Variants in ZNF608 observed in about 807,000 individuals in gnomAD.
The protein encoded by ZNF608 is zinc finger protein 608.
Under a neutral mutation model 109.0 loss-of-function variants are expected in ZNF608, and 12 were observed. The observed-to-expected ratio is 0.11, with a 90% CI of 0.07 to 0.18. ZNF608 has a LOEUF of 0.18. Among genes scored for constraint, ZNF608 ranks in the 10% least tolerant of loss-of-function variants. The pLI, the probability that ZNF608 is intolerant of heterozygous loss-of-function variation, is 1.00. For missense variants in ZNF608, 1,707 were observed against 1,879.3 expected, an observed-to-expected ratio of 0.91 and a Z score of 1.70; for synonymous variants, 732 against 717.4, an observed-to-expected ratio of 1.02 and a Z score of -0.33.
Position 124,649,018 on chromosome 5 carries a change from C to T in ZNF608, c.1366G>A (p.Gly456Arg). Reference sequence around the variant, plus strand: ...CCCCCTCTGTTCTTATTCTGCAGCCCTCTGGACTCTGTGAAGCTGGCCTCG... The same window carrying T: ...CCCCCTCTGTTCTTATTCTGCAGCCTTCTGGACTCTGTGAAGCTGGCCTCG... ...GSEASFTESR[G>R]LQNKNRGGAN... Residue 456 changes from glycine (G) to arginine (R), a missense_variant, in exon 5 of 10, where the codon GGG (glycine) becomes AGG (arginine). Physicochemically the swap from Gly to Arg is moderately radical, Grantham distance 125. Coordinates refer to ENST00000513986, the MANE Select transcript of ZNF608 (RefSeq NM_020747.3). 1.2e-6 allele frequency: 2 copies of T among 1,614,196 alleles called. No individual in the cohort carries two copies. The highest frequency in any genetic ancestry group is 1.7e-6 in the Non-Finnish European group (2 of 1,180,030).
Position 124,648,341 on chromosome 5 carries a change from A to AGCCGTCATGTTG in ZNF608, c.2031_2042dup (p.Asn678_Ala681dup). 3 of 1,614,204 alleles carry AGCCGTCATGTTG rather than the reference A, an allele frequency of 1.9e-6. No homozygotes were observed. Among genetic ancestry groups the AGCCGTCATGTTG allele is most frequent in the Non-Finnish European group, 2.5e-6 (3 of 1,180,046 alleles). On this transcript the variant is annotated inframe_insertion, in exon 5 of 10. Coordinates refer to ENST00000513986, the MANE Select transcript of ZNF608 (RefSeq NM_020747.3). ...CTGCTGCCGAGCAACTGTCTAACGC[A>AGCCGTCATGTTG]GCCGTCATGTTGGAGATTACTGGAA...
At chr5:124,745,213 G>T in intron 1 of ZNF608, 41 bp from the exon 2 acceptor site, 3 of 1,385,528 alleles carry the variant, frequency 2.2e-6, no homozygotes, top group Non-Finnish European at 1.9e-6. Flanking sequence ...TCTTGTCTGG[G>T]TGTTACCAGA....
intron 2 of ZNF608, chr5:124,710,128 T>C (rs1411799309): frequency 2.1e-5 from 9 of 434,262 alleles, no homozygotes; most frequent in Non-Finnish European, 4.1e-5. Context: ...GACCCTTATT[T>C]CTCCTTGAAA....
chr5:124,711,846 G>A (rs1192247385), intron 2 of ZNF608, among the ~76,000 whole-genome samples: 2 of 152,148 alleles, frequency 1.3e-5, no homozygotes, highest in Admixed American at 6.5e-5. Context: ...GAATCTGGGG[G>A]GTTATTATGA....
intron 3 of ZNF608, among the ~76,000 whole-genome samples, chr5:124,649,938 T>C (rs1750707558): frequency 6.6e-6 from 1 of 152,260 alleles, no homozygotes; most frequent in South Asian, 2.1e-4. Flanking sequence ...TGAGACTGTG[T>C]GTGAGAGTGT....
At chr5:124,739,789 G>T (rs549732748) in intron 2 of ZNF608, among the ~76,000 whole-genome samples, 2 of 152,088 alleles carry the variant, frequency 1.3e-5, no homozygotes, top group African/African-American at 4.8e-5. Flanking sequence ...GGAGCAAATC[G>T]CAGCCATTCA....
intron 3 of ZNF608, among the ~76,000 whole-genome samples, chr5:124,686,545 A>T (rs1487706192): frequency 2.6e-5 from 4 of 152,208 alleles, no homozygotes; most frequent in Non-Finnish European, 5.9e-5. Flanking sequence ...TGGACAATAA[A>T]TAATTTTATA....
At chr5:124,658,951 A>C (rs563777687) in intron 3 of ZNF608, among the ~76,000 whole-genome samples, 1 of 152,218 alleles carries the variant, frequency 6.6e-6, no homozygotes, top group African/African-American at 2.4e-5. Context: ...TTCCTTTCCT[A>C]AGAGTGTTAT....
intron 2 of ZNF608, among the ~76,000 whole-genome samples, chr5:124,734,342 C>G (rs189864810): frequency 6.6e-6 from 1 of 152,168 alleles, no homozygotes; most frequent in Non-Finnish European, 1.5e-5. Flanking sequence ...TTGACATTCT[C>G]AGCAACCAAG....
intron 3 of ZNF608, among the ~76,000 whole-genome samples, chr5:124,657,129 C>A (rs1170657563): frequency 6.6e-6 from 1 of 152,176 alleles, no homozygotes; most frequent in Non-Finnish European, 1.5e-5. Flanking sequence ...GTAACATTAT[C>A]ATTTCCCACT....
In ZNF608 at chr5:124,645,952, T is replaced by C. The variant is rs972500134; in HGVS notation, c.3705+727A>G. On this transcript the variant is annotated intron_variant, in intron 5 of 9. Transcript: ENST00000513986. The stretch of plus-strand genomic sequence containing the variant: ...CAGTTTTTATTATCTTCAAAGAAGA[T>C]GCTAGTAGAAATTTGAAAATGGAAA... Among the ~76,000 whole-genome samples the C allele has an allele frequency of 1.5e-4, 23 of 152,194 alleles. 1 individual carries two copies. Among genetic ancestry groups the C allele is most frequent in the African/African-American group, 4.1e-4 (17 of 41,438 alleles).
At chr5:124,646,585 C>T in intron 5 of ZNF608, 94 bp downstream of exon 5, 1 of 1,446,402 alleles carries the variant, frequency 6.9e-7, no homozygotes, top group East Asian at 2.3e-5. Context: ...GGTTTCTTTC[C>T]TGTGTCAGAA....
At position 124,672,951 on chromosome 5, in the gene ZNF608, C is replaced by G. The variant is rs151020991; in HGVS notation, c.1163-23254G>C. 3.1e-3 allele frequency among the ~76,000 whole-genome samples: 473 copies of G among 152,240 alleles called. 4 individuals are homozygous for G. The highest frequency in any genetic ancestry group is 5.8e-3 in the Non-Finnish European group (392 of 68,018). ...AGTATGAGGTGACAACAGTAAGTTC[C>G]TACTAAGTTAAGGTGACTCTCAAAG... On this transcript the variant is annotated intron_variant, in intron 3 of 9. Transcript: ENST00000513986.
chr5:124,723,640 A>C (rs1257394329), intron 2 of ZNF608, among the ~76,000 whole-genome samples: 1 of 152,148 alleles, frequency 6.6e-6, no homozygotes, highest in Non-Finnish European at 1.5e-5. Flanking sequence ...ATGACCAGAG[A>C]TCGTGCCACT....
chr5:124,663,384 G>C (rs1489090036), intron 3 of ZNF608, among the ~76,000 whole-genome samples: 3 of 152,166 alleles, frequency 2.0e-5, no homozygotes, highest in Non-Finnish European at 4.4e-5. Flanking sequence ...CTGCAGTGGG[G>C]ACCCAGACCT....
chr5:124,716,143 A>G (rs1175906213), intron 2 of ZNF608, among the ~76,000 whole-genome samples: 78 of 60,422 alleles, frequency 1.3e-3, no homozygotes, highest in African/African-American at 7.8e-3. Context: ...AATCCGTCTC[A>G]AAAAAAAAAA....
intron 2 of ZNF608, among the ~76,000 whole-genome samples, chr5:124,733,985 A>G (rs542574871): frequency 5.3e-5 from 8 of 152,316 alleles, no homozygotes; most frequent in South Asian, 2.1e-4. Context: ...AAATCAATCA[A>G]TATAGGGTTT....
chr5:124,681,202 C>T (rs184777843), intron 3 of ZNF608, among the ~76,000 whole-genome samples: 126 of 152,236 alleles, frequency 8.3e-4, no homozygotes, highest in African/African-American at 2.8e-3. Context: ...CCTGTAATCC[C>T]AACACTTTGG....
chr5:124,733,594 T>C (rs1275421281), intron 2 of ZNF608, among the ~76,000 whole-genome samples: 1 of 152,172 alleles, frequency 6.6e-6, no homozygotes, highest in African/African-American at 2.4e-5. Context: ...GGGTAATTAG[T>C]GAACCCCAGG....
Sources: gnomAD v4.1 joint callset for allele counts (sites outside exome capture counted in the v4.1 genomes callset) on GRCh38, gnomAD v4.1.1 for gene constraint, MANE v1.5 for transcripts, NCBI Gene and HGNC (gene_info 2026-07-23, HGNC 2026-07-21) for gene names.